Variants in CACNG2 observed in about 807,000 individuals in gnomAD.
The protein encoded by CACNG2 is calcium voltage-gated channel auxiliary subunit gamma 2.
A neutral mutation model predicts 25.9 loss-of-function variants in CACNG2; 3 were observed. The observed-to-expected ratio is 0.12, with a 90% CI of 0.05 to 0.30. The LOEUF is 0.30. CACNG2 is among the 10% of genes least tolerant of loss of function. The pLI, the probability that CACNG2 is intolerant of heterozygous loss-of-function variation, is 1.00. For missense variants in CACNG2, 341 were observed against 432.5 expected, an observed-to-expected ratio of 0.79 and a Z score of 1.88; for synonymous variants, 167 against 173.3, an observed-to-expected ratio of 0.96 and a Z score of 0.29.
intron 1 of CACNG2, among the ~76,000 whole-genome samples, chr22:36,641,383 G>A (rs1490381279): frequency 2.0e-5 from 3 of 152,216 alleles, no homozygotes; most frequent in Non-Finnish European, 4.4e-5. Context: ...TAGGCAGTAA[G>A]GATGAACAAT....
At chr22:36,658,066 C>T (rs1273108279) in intron 1 of CACNG2, among the ~76,000 whole-genome samples, 2 of 152,122 alleles carry the variant, frequency 1.3e-5, no homozygotes, top group African/African-American at 4.8e-5. Context: ...ATAAGTGCAT[C>T]ATTACCAAGT....
At chr22:36,679,176 TCC>T (rs1326081381) in intron 1 of CACNG2, among the ~76,000 whole-genome samples, 13 of 128,986 alleles carry the variant, frequency 1.0e-4, no homozygotes, top group South Asian at 2.6e-4. Flanking sequence ...CTTCCTTCCT[TCC>T]TTCCTTCCTT....
chr22:36,645,123 C>T (rs1936498941), intron 1 of CACNG2, among the ~76,000 whole-genome samples: 1 of 152,206 alleles, frequency 6.6e-6, no homozygotes, highest in Admixed American at 6.5e-5. Context: ...AACATCTGTT[C>T]ATCAACCCCA....
At chr22:36,674,130 T>G (rs1041930707) in intron 1 of CACNG2, among the ~76,000 whole-genome samples, 1 of 152,196 alleles carries the variant, frequency 6.6e-6, no homozygotes, top group Non-Finnish European at 1.5e-5. Context: ...TGCTGAAGGC[T>G]GCAGGATGAT....
In CACNG2 at chr22:36,564,279, G is replaced by A. The variant is rs1935084463; in HGVS notation, c.*72C>T. 7.0e-7 allele frequency: 1 copy of A among 1,427,324 alleles called. No individual in the cohort carries two copies. Among genetic ancestry groups the A allele is most frequent in the East Asian group, 2.4e-5 (1 of 41,254 alleles). 88.4% of individuals were successfully genotyped at this position (1,427,324 alleles called of 1,614,324 possible). On this transcript the variant is annotated 3_prime_UTR_variant, in exon 4 of 4. Transcript: ENST00000300105. The surrounding 1 kb of genome is among the most constrained non-coding windows in gnomAD (Gnocchi z 6.7). Reference sequence around the variant, plus strand: ...GGAAGGTCTCCCAGCGGAGGGTCTGGGTCTCCCCGCCCCGCCCCGCCCCCG... The same window carrying A: ...GGAAGGTCTCCCAGCGGAGGGTCTGAGTCTCCCCGCCCCGCCCCGCCCCCG...
intron 1 of CACNG2, among the ~76,000 whole-genome samples, chr22:36,617,009 G>A (rs1277270003): frequency 6.6e-6 from 1 of 152,184 alleles, no homozygotes; most frequent in East Asian, 1.9e-4. Context: ...GCATGTGGGT[G>A]TTGGGAAGTG....
chr22:36,675,289 C>A (rs1937006025), intron 1 of CACNG2, among the ~76,000 whole-genome samples: 1 of 152,096 alleles, frequency 6.6e-6, no homozygotes. Context: ...AAGCGATCTT[C>A]CCGCCTCGGT....
intron 1 of CACNG2, among the ~76,000 whole-genome samples, chr22:36,658,117 G>T (rs1420370094): frequency 2.0e-5 from 3 of 152,278 alleles, no homozygotes; most frequent in South Asian, 4.2e-4. Flanking sequence ...TGCTGACGTT[G>T]TCTGTGGGCA....
intron 1 of CACNG2, among the ~76,000 whole-genome samples, chr22:36,685,236 C>T (rs996580071): frequency 2.0e-5 from 3 of 152,188 alleles, no homozygotes; most frequent in Admixed American, 6.5e-5. Context: ...TGTTCCTCTT[C>T]GCTCTGACCA....
In CACNG2 at chr22:36,587,522, T is replaced by C. The variant is rs1569021467; in HGVS notation, c.238A>G (p.Ile80Val). ...TCTGCATCCTCTGGGAAGTGATCAATTTGCTTGCACAGACCTTTGAAATTC... is the reference window on the plus strand; with the variant it reads ...TCTGCATCCTCTGGGAAGTGATCAACTTGCTTGCACAGACCTTTGAAATTC... ...EGNFKGLCKQ[I>V]DHFPEDADYE... The change falls in exon 2 of 4, where the codon ATT (isoleucine) becomes GTT (valine). Residue 80 changes from isoleucine (I) to valine (V), a missense_variant. Coordinates refer to ENST00000300105, the MANE Select transcript of CACNG2 (RefSeq NM_006078.5). 6.2e-7 allele frequency: 1 copy of C among 1,613,546 alleles called. No individual in the cohort carries two copies. The highest frequency in any genetic ancestry group is 1.7e-5 in the Admixed American group (1 of 60,000).
At chr22:36,592,114 T>G in intron 1 of CACNG2, among the ~76,000 whole-genome samples, 1 of 150,100 alleles carries the variant, frequency 6.7e-6, no homozygotes. Context: ...CAGGAGGAGG[T>G]TTGTGAGGTG....
chr22:36,633,128 A>T (rs971942941), intron 1 of CACNG2, among the ~76,000 whole-genome samples: 1 of 152,228 alleles, frequency 6.6e-6, no homozygotes, highest in Non-Finnish European at 1.5e-5. Flanking sequence ...GTAACCTTAC[A>T]ACTTCCTATC....
At position 36,608,995 on chromosome 22, in the gene CACNG2, C is replaced by T. The variant is rs975083372; in HGVS notation, c.212-21447G>A. On this transcript the variant is annotated intron_variant, in intron 1 of 3. Transcript: ENST00000300105. ...CTCTCAGTGTTTCCAGGTGACCTCT[C>T]ACCTGCAGAGCCTCTGGTTTTTCTC... Among the ~76,000 whole-genome samples, 7 of 152,214 alleles carry T rather than the reference C, an allele frequency of 4.6e-5. No homozygotes were observed. The East Asian group carries it at 5.8e-4, about 13-fold the overall frequency.
intron 2 of CACNG2, among the ~76,000 whole-genome samples, chr22:36,572,250 G>T (rs1259950323): frequency 1.3e-5 from 2 of 152,122 alleles, no homozygotes; most frequent in Non-Finnish European, 2.9e-5. Flanking sequence ...CATGGGCTTT[G>T]GCTTCAAGGA....
chr22:36,702,313 G>T, intron 1 of CACNG2, 53 bp downstream of exon 1: 1 of 1,138,024 alleles, frequency 8.8e-7, no homozygotes, highest in East Asian at 2.6e-5. Flanking sequence ...GGAGGGGGGA[G>T]TGAAAGGGGA....
intron 1 of CACNG2, among the ~76,000 whole-genome samples, chr22:36,675,045 C>A (rs77945571): frequency 6.6e-6 from 1 of 152,022 alleles, no homozygotes; most frequent in East Asian, 1.9e-4. Context: ...GAAGATTAAA[C>A]GAGATAATTT....
At chr22:36,578,921 G>C (rs1935368853) in intron 2 of CACNG2, among the ~76,000 whole-genome samples, 1 of 152,260 alleles carries the variant, frequency 6.6e-6, no homozygotes, top group African/African-American at 2.4e-5. Flanking sequence ...CAGTCCGTGG[G>C]GAGAAGATTC....
chr22:36,685,626 C>T lies in CACNG2; in HGVS notation c.211+16740G>A, dbSNP rs377229108. On this transcript the variant is annotated intron_variant, in intron 1 of 3. Coordinates refer to ENST00000300105, the MANE Select transcript of CACNG2 (RefSeq NM_006078.5). ...CCCCAGAGGCACAGTGTTCTCAAGC[C>T]GAGGACAGGCCTTTTGAAACAGATC... is the stretch of plus-strand genomic sequence containing the variant. Among the ~76,000 whole-genome samples the T allele has an allele frequency of 1.8e-4, 27 of 152,266 alleles. No individual in the cohort carries two copies. In the East Asian group the frequency reaches 2.5e-3, roughly 14 times the overall value.
intron 1 of CACNG2, among the ~76,000 whole-genome samples, chr22:36,640,698 C>T (rs73415644): frequency 0.05 from 7,595 of 152,284 alleles, 647 homozygotes; most frequent in African/African-American, 0.17. Flanking sequence ...CAAAGGGCCT[C>T]TTTGTTTCCG....
Sources: allele counts gnomAD v4.1 joint callset (sites outside exome capture counted in the v4.1 genomes callset), GRCh38; gene constraint gnomAD v4.1.1; non-coding constraint Gnocchi (gnomAD v3.1); transcripts MANE v1.5; gene names NCBI Gene and HGNC (gene_info 2026-07-23, HGNC 2026-07-21).